The following GOLM1 variants were observed in gnomAD, a reference collection of about 807,000 sequenced individuals.
GOLM1 encodes golgi membrane protein 1, also known as epididymis luminal protein 46.
Under a neutral mutation model 50.5 loss-of-function variants are expected in GOLM1, and 31 were observed. That is an observed-to-expected ratio of 0.61 (90% confidence interval 0.46 to 0.83). The LOEUF (loss-of-function observed/expected upper bound fraction) is 0.83, where lower values mean the gene tolerates loss of function less well. Ranked by LOEUF, GOLM1 falls within the 40% of genes least tolerant of loss-of-function variation. GOLM1 has a pLI of 0.00. For synonymous variants in GOLM1, 178 were observed against 192.8 expected, an observed-to-expected ratio of 0.92 and a Z score of 0.64; for missense variants, 491 against 501.3, an observed-to-expected ratio of 0.98 and a Z score of 0.20.
chr9:86,045,690 G>T, intron 5 of GOLM1, among the ~76,000 whole-genome samples: 1 of 143,582 alleles, frequency 7.0e-6, no homozygotes, highest in East Asian at 2.3e-4. Context: ...AAAAAAAAAA[G>T]TATATACACA....
chr9:86,083,551 G>GT (rs911941189), intron 1 of GOLM1, among the ~76,000 whole-genome samples: 26 of 151,956 alleles, frequency 1.7e-4, no homozygotes, highest in Admixed American at 3.3e-4. Flanking sequence ...CACCCAGCTA[G>GT]TTTTTTTTGT....
At chr9:86,085,453 G>GTTTT (rs11397922) in intron 1 of GOLM1, among the ~76,000 whole-genome samples, 3 of 93,180 alleles carry the variant, frequency 3.2e-5, no homozygotes, top group South Asian at 3.9e-4. Context: ...CAAAGTTTTT[G>GTTTT]TTTTTTTTTT....
At chr9:86,100,134 C>A (rs1430163996), upstream of GOLM1, 1 of 152,218 alleles carries the variant, frequency 6.6e-6, no homozygotes, top group Non-Finnish European at 1.5e-5. Flanking sequence ...CTGCTAGCAA[C>A]GGAAAAAGTG....
Position 86,026,792 on chromosome 9 carries a change from A to G in GOLM1, c.*1025T>C. On this transcript the variant is annotated 3_prime_UTR_variant, in exon 10 of 10. Coordinates refer to ENST00000388712, the MANE Select transcript of GOLM1 (RefSeq NM_016548.4). ...TTCACATTAACTTGATTTTAAAATC[A>G]GTTTTGTGAGTCATTTACCACAAGC... 4 of 979,272 alleles carry G rather than the reference A, an allele frequency of 4.1e-6. No individual in the cohort carries two copies. Among genetic ancestry groups the G allele is most frequent in the Non-Finnish European group, 3.6e-6 (3 of 824,288 alleles). The allele number at this position is 979,272 out of a possible 1,614,324, so 60.7% of individuals were successfully genotyped here.
At chr9:86,032,938 G>A (rs1833027857) in intron 9 of GOLM1, among the ~76,000 whole-genome samples, 1 of 152,174 alleles carries the variant, frequency 6.6e-6, no homozygotes, top group Non-Finnish European at 1.5e-5. Context: ...GCACATACTG[G>A]GGCTTCTCAT....
At chr9:86,060,318 G>C (rs1273318015) in intron 3 of GOLM1, among the ~76,000 whole-genome samples, 1 of 152,054 alleles carries the variant, frequency 6.6e-6, no homozygotes, top group Admixed American at 6.6e-5. Context: ...AGGGAAAGCG[G>C]GGAGAGGGAA....
At chr9:86,076,394 C>T (rs187384944) in intron 3 of GOLM1, among the ~76,000 whole-genome samples, 125 of 117,966 alleles carry the variant, frequency 1.1e-3, no homozygotes, top group African/African-American at 3.9e-3. Flanking sequence ...GCACTCCAGC[C>T]TGGACAACAA....
At chr9:86,076,938 G>T (rs1430242915) in intron 3 of GOLM1, among the ~76,000 whole-genome samples, 3 of 151,908 alleles carry the variant, frequency 2.0e-5, no homozygotes, top group South Asian at 2.1e-4. Context: ...GGATTTGTTG[G>T]TTTTTTTCCT....
chr9:86,089,616 T>C (rs1025582942), intron 1 of GOLM1, among the ~76,000 whole-genome samples: 1 of 152,150 alleles, frequency 6.6e-6, no homozygotes, highest in Non-Finnish European at 1.5e-5. Flanking sequence ...TCAGGTCATT[T>C]ATGTTCTTCT....
intron 1 of GOLM1, among the ~76,000 whole-genome samples, chr9:86,091,270 G>A (rs373453860): frequency 7.9e-5 from 12 of 152,040 alleles, no homozygotes; most frequent in Admixed American, 3.9e-4. Flanking sequence ...ATTACTTCTC[G>A]ATTGTTGTTA....
chr9:86,077,403 AG>A lies in GOLM1; in HGVS notation c.309+8del. 1 of 1,610,208 alleles carries A rather than the reference AG, an allele frequency of 6.2e-7. No individual in the cohort carries two copies. The highest frequency in any genetic ancestry group is 1.7e-4 in the Middle Eastern group (1 of 6,054). ...GAAAAGAACTGAGAGGAAACAAAGC[AG>A]GCCTTGCCTTTTCGTCCTGGTACAG... On this transcript the variant is annotated splice_region_variant and intron_variant, in intron 3 of 9. Transcript: ENST00000388712.
chr9:86,032,484 A>C (rs1233745227), intron 9 of GOLM1, among the ~76,000 whole-genome samples: 1 of 152,144 alleles, frequency 6.6e-6, no homozygotes, highest in Non-Finnish European at 1.5e-5. Flanking sequence ...ATGAATTTTA[A>C]GAAAGAATAC....
In GOLM1 at chr9:86,079,307, C is replaced by T; in HGVS notation, c.14G>A (p.Gly5Glu). MMGLGNGRRSMKSPP... is the reference protein window; with the variant it reads MMGLENGRRSMKSPP... ...CGACTTCATGCTGCGACGCCCGTTT[C>T]CCAAGCCCATCATCTCAAAATCAGC... The change falls in exon 2 of 10, where the codon GGA becomes GAA. Residue 5 changes from glycine to glutamate, a missense_variant. Coordinates refer to ENST00000388712, the MANE Select transcript of GOLM1 (RefSeq NM_016548.4). 1.3e-6 allele frequency: 2 copies of T among 1,594,948 alleles called. No individual in the cohort carries two copies. The highest frequency in any genetic ancestry group is 2.2e-5 in the East Asian group (1 of 44,570).
chr9:86,065,577 A>C (rs1482560492), intron 3 of GOLM1, among the ~76,000 whole-genome samples: 3 of 152,150 alleles, frequency 2.0e-5, no homozygotes, highest in African/African-American at 7.2e-5. Context: ...AGGAGAATGC[A>C]GTCTGGTGGG....
At position 86,094,165 on chromosome 9, in the gene GOLM1, T is replaced by G. The variant is rs966605365; in HGVS notation, c.-22+5246A>C. On this transcript the variant is annotated intron_variant, in intron 1 of 9. Transcript: ENST00000388712. ...GCCCACAGGCCATATCCGGGCCTGG[T>G]TTTTTTTTTTTTAAAGTTTTACTAT... Among the ~76,000 whole-genome samples the G allele has an allele frequency of 2.1e-3, 27 of 12,916 alleles. No individual in the cohort carries two copies. The African/African-American group carries it at 0.026, about 12-fold the overall frequency. The allele number at this position is 12,916 out of a possible 152,430, so 8.5% of individuals were successfully genotyped here.
At chr9:86,079,461 TCTC>T (rs1395477548) in intron 1 of GOLM1, 120 bp from the exon 2 acceptor site, 3 of 740,834 alleles carry the variant, frequency 4.0e-6, no homozygotes, top group South Asian at 2.2e-5. Flanking sequence ...GCTGGTAGCT[TCTC>T]CTTGACGTGC....
chr9:86,085,925 C>T (rs1037444098), intron 1 of GOLM1, among the ~76,000 whole-genome samples: 28 of 152,212 alleles, frequency 1.8e-4, no homozygotes, highest in African/African-American at 5.8e-4. Flanking sequence ...TGAACAGTGC[C>T]GCAATAAACA....
chr9:86,035,885 A>G (rs1405303568), intron 7 of GOLM1, among the ~76,000 whole-genome samples: 1 of 144,918 alleles, frequency 6.9e-6, no homozygotes, highest in Non-Finnish European at 1.5e-5. Context: ...AAACAAAACA[A>G]AAAAAAAAAA....
At chr9:86,087,125 C>A (rs1233403801) in intron 1 of GOLM1, among the ~76,000 whole-genome samples, 1 of 152,188 alleles carries the variant, frequency 6.6e-6, no homozygotes, top group African/African-American at 2.4e-5. Flanking sequence ...TCTCTTACTT[C>A]CTTGAACAGT....
Sources: gnomAD v4.1 joint callset for allele counts (sites outside exome capture counted in the v4.1 genomes callset) on GRCh38, gnomAD v4.1.1 for gene constraint, MANE v1.5 for transcripts, NCBI Gene and HGNC (gene_info 2026-07-23, HGNC 2026-07-21) for gene names.